SMURF1: variants seen among roughly 807,000 people sequenced by gnomAD.
The protein encoded by SMURF1 is SMAD specific E3 ubiquitin protein ligase 1.
In SMURF1, 44 loss-of-function variants were observed where a neutral mutation model predicts 98.0. The observed-to-expected ratio is 0.45, with a 90% confidence interval of 0.35 to 0.58. The LOEUF (loss-of-function observed/expected upper bound fraction) is 0.58, where lower values mean the gene tolerates loss of function less well. Among genes scored for constraint, SMURF1 ranks in the 20% least tolerant of loss-of-function variants. SMURF1 has a pLI of 0.00. For synonymous variants in SMURF1, 396 were observed against 374.9 expected (o/e 1.06, Z -0.65); for missense variants, 687 against 938.4 (o/e 0.73, Z 3.50).
intron 1 of SMURF1, among the ~76,000 whole-genome samples, chr7:99,071,711 A>T (rs559362848): frequency 1.2e-4 from 18 of 152,130 alleles, no homozygotes; most frequent in African/African-American, 3.9e-4. Flanking sequence ...AAGTCTATCT[A>T]TATAGGACAA....
At chr7:99,080,516 C>T (rs1796557103) in intron 1 of SMURF1, among the ~76,000 whole-genome samples, 1 of 152,170 alleles carries the variant, frequency 6.6e-6, no homozygotes, top group Non-Finnish European at 1.5e-5. Flanking sequence ...TCAGGCTGGT[C>T]TTGAACTCCC....
In SMURF1 at chr7:99,080,629, T is replaced by A. The variant is rs145919808; in HGVS notation, c.56-18792A>T. On this transcript the variant is annotated intron_variant, in intron 1 of 17. Coordinates refer to ENST00000361368, the MANE Select transcript of SMURF1 (RefSeq NM_181349.3). ...TACCTAGTTTTACAGGAAAACTCTA[T>A]CAAGATTTCAAGGTACAGATAATTC... Among the ~76,000 whole-genome samples the A allele has an allele frequency of 5.4e-3, 819 of 152,278 alleles. 6 individuals carry two copies. The highest frequency in any genetic ancestry group is 0.048 in the Middle Eastern group (14 of 294).
intron 1 of SMURF1, among the ~76,000 whole-genome samples, chr7:99,067,305 G>A (rs1267804056): frequency 6.6e-6 from 1 of 151,846 alleles, no homozygotes; most frequent in Non-Finnish European, 1.5e-5. Context: ...CTTAGATCTA[G>A]TATTTTTTAA....
intron 11 of SMURF1, among the ~76,000 whole-genome samples, chr7:99,044,082 C>T (rs540261753): frequency 3.4e-4 from 52 of 152,248 alleles, no homozygotes; most frequent in Middle Eastern, 3.4e-3. Flanking sequence ...GAAGCCAAGG[C>T]GGGAGGATCA....
intron 3 of SMURF1, among the ~76,000 whole-genome samples, chr7:99,058,383 G>T (rs1250109957): frequency 6.6e-6 from 1 of 152,166 alleles, no homozygotes; most frequent in Non-Finnish European, 1.5e-5. Flanking sequence ...TCCTGCCTCG[G>T]CCTCCCAAAG....
chr7:99,106,174 A>G (rs12705023), intron 1 of SMURF1, among the ~76,000 whole-genome samples: 144,204 of 152,252 alleles, frequency 0.95, 68,708 homozygotes, highest in East Asian at 1. Flanking sequence ...TATCCTCTAT[A>G]GTACAGAAAA....
intron 1 of SMURF1, among the ~76,000 whole-genome samples, chr7:99,089,077 G>A (rs112800984): frequency 0.019 from 2,947 of 152,064 alleles, 87 homozygotes; most frequent in African/African-American, 0.061. Flanking sequence ...GGTGGCGTGC[G>A]CCTGTAATCC....
chr7:99,105,553 C>G (rs1797177324), intron 1 of SMURF1, among the ~76,000 whole-genome samples: 1 of 152,110 alleles, frequency 6.6e-6, no homozygotes, highest in African/African-American at 2.4e-5. Flanking sequence ...CTAGTCTTAT[C>G]CCATGTTATA....
chr7:99,035,415 A>G (rs1795096971), intron 16 of SMURF1, 100 bp downstream of exon 16: 1 of 1,332,226 alleles, frequency 7.5e-7, no homozygotes, highest in Non-Finnish European at 1.0e-6. Flanking sequence ...GCCATTTTCT[A>G]GCACACATCT....
At chr7:99,097,304 A>T (rs74442412) in intron 1 of SMURF1, among the ~76,000 whole-genome samples, 7,054 of 152,268 alleles carry the variant, frequency 0.046, 533 homozygotes, top group African/African-American at 0.16. Flanking sequence ...GGCAAAAACA[A>T]CAGTGAAAGA....
At chr7:99,129,809 T>G (rs1044448778) in intron 1 of SMURF1, among the ~76,000 whole-genome samples, 18 of 152,234 alleles carry the variant, frequency 1.2e-4, no homozygotes, top group Non-Finnish European at 8.8e-5. Context: ...ACGGAAGAGC[T>G]TGGCGGTCTG....
In SMURF1 at chr7:99,040,420, T is replaced by A; in HGVS notation, c.1508A>T (p.Glu503Val). 1 of 1,585,918 alleles carries A rather than the reference T, an allele frequency of 6.3e-7. No individual in the cohort carries two copies. Among genetic ancestry groups the A allele is most frequent in the Non-Finnish European group, 8.6e-7 (1 of 1,166,862 alleles). The change falls in exon 13 of 18, where the codon GAA becomes GTA. Residue 503 changes from glutamate to valine, a missense_variant. Around this residue, in one of 2 missense-constraint regions of SMURF1, gnomAD observed 272 missense variants for 430.0 expected, o/e 0.63. Transcript: ENST00000361368. The part of the protein sequence containing the change: ...LGKPIQLSDL[E>V]SVDPELHKSL... Reference sequence around the variant, plus strand: ...CTTATGCAGCTCTGGGTCCACAGATTCCAGATCTGAGAGCTGGATGGGCTT... The same window carrying A: ...CTTATGCAGCTCTGGGTCCACAGATACCAGATCTGAGAGCTGGATGGGCTT...
chr7:99,064,800 T>C (rs1796147340), intron 1 of SMURF1, among the ~76,000 whole-genome samples: 1 of 152,236 alleles, frequency 6.6e-6, no homozygotes, highest in Admixed American at 6.5e-5. Flanking sequence ...TTACACCTCC[T>C]GCTGATGTTT....
intron 7 of SMURF1, 96 bp downstream of exon 7, chr7:99,052,109 T>C: frequency 1.4e-6 from 2 of 1,446,632 alleles, no homozygotes; most frequent in Non-Finnish European, 1.8e-6. Flanking sequence ...CACTCCAGCA[T>C]GGGTGACAGC....
At chr7:99,116,211 T>C (rs1797447073) in intron 1 of SMURF1, among the ~76,000 whole-genome samples, 1 of 144,974 alleles carries the variant, frequency 6.9e-6, no homozygotes, top group Non-Finnish European at 1.5e-5. Flanking sequence ...ATGCAGAACA[T>C]TTTTTTTGAC....
chr7:99,137,409 A>C (rs1424732715), intron 1 of SMURF1, among the ~76,000 whole-genome samples: 1 of 152,230 alleles, frequency 6.6e-6, no homozygotes, highest in Non-Finnish European at 1.5e-5. Context: ...TGTGAATTAG[A>C]AATCAAATTC....
chr7:99,043,943 G>A (rs1203348267), intron 11 of SMURF1, among the ~76,000 whole-genome samples: 5 of 152,218 alleles, frequency 3.3e-5, no homozygotes, highest in Admixed American at 3.3e-4. Flanking sequence ...AGAGGAGCAA[G>A]AGAATCGCCA....
At chr7:99,054,753 G>A in intron 6 of SMURF1, 37 bp downstream of exon 6, 1 of 1,589,330 alleles carries the variant, frequency 6.3e-7, no homozygotes, top group East Asian at 2.2e-5. Context: ...TAAGGCAGCA[G>A]AGAACTCAGC....
At chr7:99,112,909 A>AATCTGTT (rs1183930330) in intron 1 of SMURF1, among the ~76,000 whole-genome samples, 1 of 152,178 alleles carries the variant, frequency 6.6e-6, no homozygotes, top group African/African-American at 2.4e-5. Flanking sequence ...GCAGATTTGA[A>AATCTGTT]CAGGTAAAAA....
Sources: allele counts gnomAD v4.1 joint callset (sites outside exome capture counted in the v4.1 genomes callset), GRCh38; gene constraint gnomAD v4.1.1; regional missense constraint gnomAD v4.1.1; transcripts MANE v1.5; gene names NCBI Gene and HGNC (gene_info 2026-07-23, HGNC 2026-07-21).